AFDN: variants seen among roughly 807,000 people sequenced by gnomAD.
The protein encoded by AFDN is afadin, adherens junction formation factor, also known as afadin.
A neutral mutation model predicts 216.6 loss-of-function variants in AFDN; 68 were observed. The observed-to-expected ratio is 0.31, with a 90% confidence interval of 0.26 to 0.38. AFDN has a LOEUF of 0.38. Ranked by LOEUF, AFDN falls within the 10% of genes least tolerant of loss-of-function variation. AFDN has a pLI of 1.00. For missense variants in AFDN, 2,136 were observed against 2,342.0 expected (o/e 0.91, Z 1.82); for synonymous variants, 868 against 853.7 (o/e 1.02, Z -0.29).
rs145710936 is a variant in AFDN, at chr6:167,847,769, G to T, written c.106-16782G>T. On this transcript the variant is annotated intron_variant, in intron 1 of 33. Transcript: ENST00000683244. ...TACTTAGTCTTAATTTATTTCCCTT[G>T]TCTGCCTTTGCCCCCTTACAGTCTG... Among the ~76,000 whole-genome samples the T allele has an allele frequency of 7.0e-3, 1,064 of 152,124 alleles. 16 individuals are homozygous for T. The highest frequency in any genetic ancestry group is 0.024 in the African/African-American group (1,011 of 41,490).
At chr6:167,948,136 C>A in intron 28 of AFDN, 157 bp from the exon 29 acceptor site, 2 of 796,702 alleles carry the variant, frequency 2.5e-6, no homozygotes, top group Non-Finnish European at 3.9e-6. Flanking sequence ...TAAGTCTGGG[C>A]AAAATGAAAT....
At chr6:167,928,255 G>T (rs2128536110) in intron 23 of AFDN, among the ~76,000 whole-genome samples, 1 of 152,356 alleles carries the variant, frequency 6.6e-6, no homozygotes, top group East Asian at 1.9e-4. Context: ...GGAGCTCTGG[G>T]TTCACTTGGC....
chr6:167,937,482 A>G (rs930240204), intron 23 of AFDN, among the ~76,000 whole-genome samples: 1 of 152,170 alleles, frequency 6.6e-6, no homozygotes, highest in Non-Finnish European at 1.5e-5. Context: ...TCTTGGCCTC[A>G]AGCAGTCCTC....
At chr6:167,908,735 G>C (rs1790024706) in intron 13 of AFDN, among the ~76,000 whole-genome samples, 1 of 152,100 alleles carries the variant, frequency 6.6e-6, no homozygotes, top group South Asian at 2.1e-4. Flanking sequence ...AATTTTACAA[G>C]GTAAGATTAG....
At chr6:167,872,862 T>C (rs1784935402) in intron 4 of AFDN, among the ~76,000 whole-genome samples, 1 of 152,164 alleles carries the variant, frequency 6.6e-6, no homozygotes, top group South Asian at 2.1e-4. Flanking sequence ...GTCACACCAG[T>C]TCCATTGTAG....
chr6:167,921,818 A>C (rs1791850981), intron 21 of AFDN, among the ~76,000 whole-genome samples: 1 of 152,186 alleles, frequency 6.6e-6, no homozygotes, highest in African/African-American at 2.4e-5. Context: ...TAAAAAAAAA[A>C]ACTAAGTAAA....
chr6:167,905,207 A>G (rs1357720335), intron 12 of AFDN, among the ~76,000 whole-genome samples: 1 of 152,196 alleles, frequency 6.6e-6, no homozygotes, highest in Non-Finnish European at 1.5e-5. Flanking sequence ...TGTGGTCTTT[A>G]TTACCATCCA....
At chr6:167,938,299 A>G (rs1003672487) in intron 23 of AFDN, among the ~76,000 whole-genome samples, 3 of 152,162 alleles carry the variant, frequency 2.0e-5, no homozygotes, top group Non-Finnish European at 4.4e-5. Flanking sequence ...TGGGTGGAGA[A>G]TGACGAGAGA....
At position 167,834,769 on chromosome 6, in the gene AFDN, C is replaced by T. The variant is rs570861956; in HGVS notation, c.105+7532C>T. On this transcript the variant is annotated intron_variant, in intron 1 of 33. Coordinates refer to ENST00000683244, the MANE Select transcript of AFDN (RefSeq NM_001386888.1). ...CCAAGGCAGGAGTATTGCTTGAGCC[C>T]AAAAGTTTGTGACCAGTCTGGGCAA... Among the ~76,000 whole-genome samples the T allele has an allele frequency of 6.6e-5, 10 of 152,002 alleles. No individual in the cohort carries two copies. The South Asian group carries it at 1.3e-3, about 19-fold the overall frequency.
chr6:167,957,739 T>G (rs1010851285), intron 30 of AFDN, among the ~76,000 whole-genome samples: 2 of 152,198 alleles, frequency 1.3e-5, no homozygotes, highest in Non-Finnish European at 2.9e-5. Context: ...GTTAGGACCA[T>G]GGAGGTGGCC....
At chr6:167,954,063 G>A (rs1796268671) in intron 30 of AFDN, among the ~76,000 whole-genome samples, 1 of 152,132 alleles carries the variant, frequency 6.6e-6, no homozygotes, top group Admixed American at 6.5e-5. Flanking sequence ...TTTTCCAAAT[G>A]GGTTAAAACA....
At chr6:167,928,758 C>G (rs1334080359) in intron 23 of AFDN, among the ~76,000 whole-genome samples, 2 of 152,212 alleles carry the variant, frequency 1.3e-5, no homozygotes, top group African/African-American at 4.8e-5. Context: ...GATCCTTGCA[C>G]TTGGTCACCT....
chr6:167,846,049 T>A (rs1781637916), intron 1 of AFDN, among the ~76,000 whole-genome samples: 2 of 152,058 alleles, frequency 1.3e-5, no homozygotes, highest in African/African-American at 4.8e-5. Flanking sequence ...GCCTCCATGA[T>A]CCAATCACTT....
intron 4 of AFDN, 131 bp downstream of exon 4, chr6:167,872,508 A>G: frequency 4.1e-6 from 4 of 973,768 alleles, no homozygotes; most frequent in East Asian, 2.4e-5. Flanking sequence ...GTTTGGGTCT[A>G]CTCCCAGCTC....
chr6:167,878,564 A>G (rs1413647340), intron 5 of AFDN, among the ~76,000 whole-genome samples: 1 of 150,772 alleles, frequency 6.6e-6, no homozygotes, highest in Admixed American at 6.7e-5. Flanking sequence ...GCACTCTTGC[A>G]TGCACGCACG....
chr6:167,838,603 A>C (rs528961597), intron 1 of AFDN, among the ~76,000 whole-genome samples: 1 of 152,258 alleles, frequency 6.6e-6, no homozygotes, highest in African/African-American at 2.4e-5. Flanking sequence ...TTTATTACCA[A>C]CAGTTCCTCA....
At chr6:167,905,360 A>G (rs1463598472) in intron 12 of AFDN, among the ~76,000 whole-genome samples, 1 of 152,264 alleles carries the variant, frequency 6.6e-6, no homozygotes, top group Non-Finnish European at 1.5e-5. Context: ...CATCTCATGA[A>G]TAATTGAATG....
At chr6:167,921,540 A>G (rs1247863046) in intron 21 of AFDN, among the ~76,000 whole-genome samples, 1 of 152,204 alleles carries the variant, frequency 6.6e-6, no homozygotes, top group Non-Finnish European at 1.5e-5. Flanking sequence ...TCCTTCATAC[A>G]ATACAGTTCT....
intron 6 of AFDN, among the ~76,000 whole-genome samples, chr6:167,881,363 CAATA>C (rs1249953158): frequency 2.0e-5 from 3 of 152,064 alleles, no homozygotes; most frequent in Non-Finnish European, 4.4e-5. Flanking sequence ...ATTAAAATGA[CAATA>C]AAGGAATAAA....
Sources: gnomAD v4.1 joint callset for allele counts (sites outside exome capture counted in the v4.1 genomes callset) on GRCh38, gnomAD v4.1.1 for gene constraint, MANE v1.5 for transcripts, NCBI Gene and HGNC (gene_info 2026-07-23, HGNC 2026-07-21) for gene names.